The following PHF24 variants were observed in gnomAD, a reference collection of about 807,000 sequenced individuals.
PHF24 encodes Galpha inhibitory interacting protein.
Under a neutral mutation model 42.6 loss-of-function variants are expected in PHF24, and 25 were observed. The observed-to-expected ratio is 0.59, with a 90% CI of 0.43 to 0.82. The LOEUF is 0.82. Ranked by LOEUF, PHF24 falls within the 40% of genes least tolerant of loss-of-function variation. PHF24 has a pLI of 0.00. For missense variants in PHF24, 470 were observed against 538.1 expected (o/e 0.87, Z 1.25); for synonymous variants, 185 against 204.8 (o/e 0.90, Z 0.83).
chr9:34,685,566 C>G, the PHF24 span, among the ~76,000 whole-genome samples: 1 of 152,202 alleles, frequency 6.6e-6, no homozygotes, highest in Non-Finnish European at 1.5e-5. Context: ...CTTCCCAGCC[C>G]CCAGCCCTCA....
the PHF24 span, among the ~76,000 whole-genome samples, chr9:34,743,110 A>G: frequency 6.6e-6 from 1 of 152,202 alleles, no homozygotes; most frequent in Non-Finnish European, 1.5e-5. Context: ...TCTCACTTGA[A>G]CATTTTCCCC....
the PHF24 span, among the ~76,000 whole-genome samples, chr9:34,856,412 TA>T: frequency 6.6e-6 from 1 of 152,232 alleles, no homozygotes; most frequent in Non-Finnish European, 1.5e-5. Flanking sequence ...TGGGCTAATC[TA>T]CATTCAGTCT....
At chr9:34,759,002 A>G in the PHF24 span, among the ~76,000 whole-genome samples, 10 of 152,028 alleles carry the variant, frequency 6.6e-5, no homozygotes, top group South Asian at 1.9e-3. Context: ...CCACTCCCCC[A>G]CTGCACTCCA....
chr9:34,892,859 G>T, the PHF24 span: 3 of 699,316 alleles, frequency 4.3e-6, no homozygotes, highest in Admixed American at 6.1e-5. Context: ...AGCTGACTGG[G>T]TTAAAGATTT....
the PHF24 span, among the ~76,000 whole-genome samples, chr9:34,924,101 T>A: frequency 3.9e-5 from 6 of 152,186 alleles, no homozygotes; most frequent in Non-Finnish European, 8.8e-5. Flanking sequence ...TTCCATGTGC[T>A]TGTATAGTTT....
the PHF24 span, among the ~76,000 whole-genome samples, chr9:34,741,704 G>A: frequency 2.6e-5 from 4 of 152,322 alleles, no homozygotes; most frequent in South Asian, 2.1e-4. Context: ...GTTCTGCATG[G>A]CCAAGTGACG....
chr9:34,865,000 G>A, the PHF24 span, among the ~76,000 whole-genome samples: 2 of 152,030 alleles, frequency 1.3e-5, no homozygotes, highest in African/African-American at 2.4e-5. Flanking sequence ...CCAACATGGT[G>A]AAACCCTGTC....
chr9:34,942,195 C>T, the PHF24 span, among the ~76,000 whole-genome samples: 1 of 152,218 alleles, frequency 6.6e-6, no homozygotes, highest in Admixed American at 6.5e-5. Context: ...CCTAAACCTA[C>T]TGCAGAACCC....
the PHF24 span, among the ~76,000 whole-genome samples, chr9:34,811,306 T>C: frequency 6.6e-6 from 1 of 152,222 alleles, no homozygotes; most frequent in Non-Finnish European, 1.5e-5. Flanking sequence ...GTTCATGTGT[T>C]GGAAACTTAA....
the PHF24 span, chr9:34,889,371 C>T: frequency 2.5e-6 from 1 of 398,660 alleles, no homozygotes. Context: ...TATTTAGGCA[C>T]TGGGGGCATC....
chr9:34,710,212 C>T, the PHF24 span: 1 of 679,514 alleles, frequency 1.5e-6, no homozygotes, highest in Non-Finnish European at 2.5e-6. Flanking sequence ...ACTCCTTTTC[C>T]TTCCTGAAAG....
At chr9:34,673,477 G>A in the PHF24 span, among the ~76,000 whole-genome samples, 1 of 150,930 alleles carries the variant, frequency 6.6e-6, no homozygotes, top group African/African-American at 2.4e-5. Flanking sequence ...GTTGTTGTTT[G>A]TTTGTTTTTT....
At chr9:34,738,159 A>G in the PHF24 span, among the ~76,000 whole-genome samples, 2 of 152,152 alleles carry the variant, frequency 1.3e-5, no homozygotes, top group Non-Finnish European at 2.9e-5. Context: ...CAGCACCAGC[A>G]TTATCTGACC....
the PHF24 span, among the ~76,000 whole-genome samples, chr9:34,769,976 A>G: frequency 6.6e-6 from 1 of 152,214 alleles, no homozygotes; most frequent in African/African-American, 2.4e-5. Flanking sequence ...GTAGAAGAAT[A>G]CATGGAATGA....
chr9:34,667,926 G>A, the PHF24 span, among the ~76,000 whole-genome samples: 1 of 152,180 alleles, frequency 6.6e-6, no homozygotes, highest in East Asian at 1.9e-4. Context: ...AGTGAAGGAA[G>A]TAACATGGTG....
chr9:34,886,172 C>T, the PHF24 span, among the ~76,000 whole-genome samples: 22 of 151,630 alleles, frequency 1.5e-4, no homozygotes, highest in Non-Finnish European at 2.4e-4. Flanking sequence ...TCCAGAAATT[C>T]TCCCCTTGCT....
At chr9:34,820,448 A>T in the PHF24 span, among the ~76,000 whole-genome samples, 1 of 152,022 alleles carries the variant, frequency 6.6e-6, no homozygotes, top group African/African-American at 2.4e-5. Context: ...ATGTGTACTC[A>T]ATGTTTAGCT....
the PHF24 span, among the ~76,000 whole-genome samples, chr9:34,870,832 A>G: frequency 6.6e-6 from 1 of 152,220 alleles, no homozygotes; most frequent in Non-Finnish European, 1.5e-5. Context: ...TTGTATGGAC[A>G]TACTAAAGTT....
the PHF24 span, chr9:34,892,774 G>A: frequency 7.0e-6 from 4 of 568,398 alleles, no homozygotes; most frequent in Admixed American, 5.5e-5. Flanking sequence ...ACACAGCTGG[G>A]ACTTGAGATC....
Sources: allele counts gnomAD v4.1 joint callset (sites outside exome capture counted in the v4.1 genomes callset), GRCh38; gene constraint gnomAD v4.1.1; transcripts MANE v1.5; gene names NCBI Gene and HGNC (gene_info 2026-07-23, HGNC 2026-07-21).